The following SLC71A1 variants were observed in gnomAD, a reference collection of about 807,000 sequenced individuals.
The protein encoded by SLC71A1 is solute carrier family 71 member 1.
chr1:100,064,125 A>G, the SLC71A1 span, among the ~76,000 whole-genome samples: 1,393 of 152,096 alleles, frequency 9.2e-3, 24 homozygotes, highest in African/African-American at 0.032. Flanking sequence ...GTGTGTATGT[A>G]TGTGTGTGTA....
At chr1:100,080,430 C>G in the SLC71A1 span, 2 of 1,274,006 alleles carry the variant, frequency 1.6e-6, no homozygotes, top group Admixed American at 4.0e-5. Context: ...CATATTTGTA[C>G]TGGTTCTAAG....
At chr1:100,062,054 C>T in the SLC71A1 span, 84 of 660,298 alleles carry the variant, frequency 1.3e-4, no homozygotes, top group African/African-American at 1.2e-3. Flanking sequence ...AAGATTTTTG[C>T]GTAAAATATA....
At chr1:100,050,289 C>G in the SLC71A1 span, among the ~76,000 whole-genome samples, 4 of 152,214 alleles carry the variant, frequency 2.6e-5, no homozygotes, top group South Asian at 2.1e-4. Flanking sequence ...CTTAAACCGA[C>G]AGGTTTAGAA....
chr1:100,080,282 A>T, the SLC71A1 span: 6 of 443,528 alleles, frequency 1.4e-5, no homozygotes, highest in South Asian at 2.8e-4. Context: ...ATATATGGGT[A>T]CATCAGAGCT....
At chr1:100,077,434 A>C in the SLC71A1 span, among the ~76,000 whole-genome samples, 378 of 152,220 alleles carry the variant, frequency 2.5e-3, no homozygotes, top group Non-Finnish European at 4.6e-3. Context: ...TTGTATATTT[A>C]TATGTTCTCC....
the SLC71A1 span, chr1:100,058,845 T>A: frequency 5.7e-6 from 3 of 526,042 alleles, no homozygotes; most frequent in Non-Finnish European, 1.0e-5. Context: ...GTTTACTGAT[T>A]AATAACTTAA....
the SLC71A1 span, chr1:100,058,746 T>G: frequency 7.8e-7 from 1 of 1,275,974 alleles, no homozygotes; most frequent in Non-Finnish European, 1.1e-6. Context: ...CAGTCATACA[T>G]ATATATGTGT....
the SLC71A1 span, among the ~76,000 whole-genome samples, chr1:100,075,329 C>T: frequency 6.6e-6 from 1 of 152,198 alleles, no homozygotes; most frequent in Non-Finnish European, 1.5e-5. Flanking sequence ...CCTTGTAATG[C>T]TTATCATCAT....
the SLC71A1 span, chr1:100,068,613 C>T: frequency 8.0e-7 from 1 of 1,245,902 alleles, no homozygotes; most frequent in South Asian, 1.2e-5. Flanking sequence ...CTAAGGTGGA[C>T]TTTTCTTTCA....
At chr1:100,046,286 G>A in the SLC71A1 span, among the ~76,000 whole-genome samples, 35 of 134,810 alleles carry the variant, frequency 2.6e-4, no homozygotes, top group Admixed American at 3.3e-4. Context: ...GAGTGCAGTG[G>A]CGCAATCTTG....
the SLC71A1 span, among the ~76,000 whole-genome samples, chr1:100,057,357 CTTT>C: frequency 1.6e-5 from 2 of 122,546 alleles, no homozygotes. Flanking sequence ...CTTTTTCTTT[CTTT>C]TTTTTTTTTT....
the SLC71A1 span, among the ~76,000 whole-genome samples, chr1:100,040,944 A>T: frequency 6.6e-6 from 1 of 152,188 alleles, no homozygotes; most frequent in African/African-American, 2.4e-5. Context: ...TATGGTCGGT[A>T]CATGACAGTC....
At chr1:100,078,545 C>CA in the SLC71A1 span, 1 of 1,605,706 alleles carries the variant, frequency 6.2e-7, no homozygotes, top group Non-Finnish European at 8.5e-7. Context: ...TGCTGATCAA[C>CA]AGGGTGAGTT....
At chr1:100,061,102 A>AT in the SLC71A1 span, among the ~76,000 whole-genome samples, 1 of 152,200 alleles carries the variant, frequency 6.6e-6, no homozygotes, top group Non-Finnish European at 1.5e-5. Context: ...TGTTAGAAAA[A>AT]TTTTAGTAGT....
the SLC71A1 span, among the ~76,000 whole-genome samples, chr1:100,047,293 CATT>C: frequency 1.3e-5 from 2 of 152,102 alleles, no homozygotes; most frequent in Non-Finnish European, 2.9e-5. Context: ...GCTTTTTCAT[CATT>C]AATTGAAATG....
At chr1:100,078,903 C>T in the SLC71A1 span, 1 of 164,290 alleles carries the variant, frequency 6.1e-6, no homozygotes, top group Non-Finnish European at 1.3e-5. Flanking sequence ...AACCCCATCA[C>T]TAAAATGCAA....
the SLC71A1 span, among the ~76,000 whole-genome samples, chr1:100,058,974 C>G: frequency 6.6e-6 from 1 of 151,872 alleles, no homozygotes; most frequent in Non-Finnish European, 1.5e-5. Context: ...CACATCATAA[C>G]AGATTCCCTG....
At chr1:100,041,795 G>A in the SLC71A1 span, among the ~76,000 whole-genome samples, 1 of 151,986 alleles carries the variant, frequency 6.6e-6, no homozygotes, top group African/African-American at 2.4e-5. Flanking sequence ...GTGGTGGTAT[G>A]TGCCTGTAAT....
the SLC71A1 span, among the ~76,000 whole-genome samples, chr1:100,047,011 A>G: frequency 3.9e-5 from 6 of 152,212 alleles, no homozygotes; most frequent in African/African-American, 1.4e-4. Context: ...AAAGAGGGAC[A>G]GTTTTGACTT....
Sources: gnomAD v4.1 joint callset for allele counts (sites outside exome capture counted in the v4.1 genomes callset) on GRCh38, gnomAD v4.1.1 for gene constraint, MANE v1.5 for transcripts, NCBI Gene and HGNC (gene_info 2026-07-23, HGNC 2026-07-21) for gene names.